AFAP1L2: variants seen among roughly 807,000 people sequenced by gnomAD.
AFAP1L2 encodes actin filament-associated protein 1-like 2.
In AFAP1L2, 46 loss-of-function variants were observed where a neutral mutation model predicts 99.3. The observed-to-expected ratio is 0.46, with a 90% confidence interval of 0.37 to 0.59. The LOEUF (loss-of-function observed/expected upper bound fraction) is 0.59, where lower values mean the gene tolerates loss of function less well. Among genes scored for constraint, AFAP1L2 ranks in the 20% least tolerant of loss-of-function variants. The pLI is 0.00. For synonymous variants in AFAP1L2, 397 were observed against 419.1 expected, an observed-to-expected ratio of 0.95 and a Z score of 0.64; for missense variants, 959 against 1,034.9, an observed-to-expected ratio of 0.93 and a Z score of 1.01.
the AFAP1L2 span, chr10:114,285,894 C>T: frequency 6.5e-6 from 10 of 1,530,962 alleles, no homozygotes; most frequent in East Asian, 6.8e-5. Context: ...GCTCGCATGC[C>T]GCATGACCAT....
Position 114,333,109 on chromosome 10 carries a change from G to T in AFAP1L2, c.220+112C>A, listed in dbSNP as rs1021229512. 5 of 986,244 alleles carry T rather than the reference G, an allele frequency of 5.1e-6. No individual in the cohort carries two copies. The African/African-American group carries it at 6.6e-5, about 13-fold the overall frequency. 61.1% of individuals were successfully genotyped at this position (986,244 alleles called of 1,614,324 possible). A position where few individuals can be genotyped will look rare whatever the true frequency, so the allele number is the denominator to read the frequency against. On this transcript the variant is annotated intron_variant, in intron 3 of 18. Transcript: ENST00000304129. ...GTGGCTTCCAAAAATAACTCCGCCA[G>T]GCGGGTCTGTGTGCCGGCTGGGAGG...
intron 1 of AFAP1L2, among the ~76,000 whole-genome samples, chr10:114,375,002 C>T (rs1020417224): frequency 6.6e-6 from 1 of 152,066 alleles, no homozygotes; most frequent in Non-Finnish European, 1.5e-5. Flanking sequence ...TCAGGTCAGG[C>T]ATTACTCGGG....
Position 114,297,366 on chromosome 10 carries a change from C to T in AFAP1L2, c.2161G>A (p.Glu721Lys), listed in dbSNP as rs148977860. ...CTGCTCTCCTCGCCCCGGCACTCCT[C>T]GTCAATTTCCTTCAGCTTCTGCTCC... The part of the protein sequence containing the change: ...SLEQKLKEID[E>K]ECRGEESRRV... The change falls in exon 17 of 19, where the codon GAG becomes AAG. Residue 721 changes from glutamate (E) to lysine (K), a missense_variant. Glu to Lys is a moderately conservative substitution (Grantham distance 56, BLOSUM62 1). Transcript: ENST00000304129. 143 of 1,613,608 alleles carry T rather than the reference C, an allele frequency of 8.9e-5. No individual in the cohort carries two copies. The highest frequency in any genetic ancestry group is 3.5e-4 in the South Asian group (32 of 91,068).
chr10:114,404,913 G>T (rs2058576253), upstream of AFAP1L2, among the ~76,000 whole-genome samples: 13 of 152,170 alleles, frequency 8.5e-5, no homozygotes, highest in Admixed American at 8.5e-4. Flanking sequence ...GGAGGAGACC[G>T]AGGTCCAAGC....
intron 1 of AFAP1L2, among the ~76,000 whole-genome samples, chr10:114,346,729 G>A (rs1351496543): frequency 2.0e-5 from 3 of 152,190 alleles, no homozygotes; most frequent in Non-Finnish European, 4.4e-5. Flanking sequence ...AGGCCCTTGT[G>A]CAGGCTTTCC....
intron 1 of AFAP1L2, among the ~76,000 whole-genome samples, chr10:114,384,171 G>T (rs2056153776): frequency 6.6e-6 from 1 of 152,162 alleles, no homozygotes; most frequent in Admixed American, 6.5e-5. Context: ...CTTCCAGAAG[G>T]CAGTGCGTGA....
At chr10:114,321,394 T>G (rs2135134878) in intron 5 of AFAP1L2, among the ~76,000 whole-genome samples, 1 of 152,348 alleles carries the variant, frequency 6.6e-6, no homozygotes, top group East Asian at 1.9e-4. Context: ...CTTAGAATAA[T>G]GGCCTCTAGC....
chr10:114,381,195 C>T (rs2055568723), intron 1 of AFAP1L2, among the ~76,000 whole-genome samples: 1 of 152,122 alleles, frequency 6.6e-6, no homozygotes, highest in Admixed American at 6.5e-5. Context: ...TATTATTAAG[C>T]CATGAAAAGC....
intron 4 of AFAP1L2, among the ~76,000 whole-genome samples, chr10:114,329,314 T>C (rs1290508453): frequency 6.6e-6 from 1 of 152,140 alleles, no homozygotes. Flanking sequence ...GCAGGGACTC[T>C]CCGTGGCCCA....
At chr10:114,327,164 TATATATA>T (rs1241933411) in intron 4 of AFAP1L2, among the ~76,000 whole-genome samples, 2 of 81,822 alleles carry the variant, frequency 2.4e-5, no homozygotes, top group African/African-American at 6.4e-5. Flanking sequence ...TATATATATA[TATATATA>T]TATTTTTTTT....
At chr10:114,317,722 G>T (rs1337212024) in intron 5 of AFAP1L2, among the ~76,000 whole-genome samples, 1 of 152,166 alleles carries the variant, frequency 6.6e-6, no homozygotes, top group African/African-American at 2.4e-5. Context: ...AGCTGGGCAT[G>T]GTGGTATGCA....
chr10:114,333,518 G>A (rs953670236), intron 2 of AFAP1L2, among the ~76,000 whole-genome samples: 1 of 152,174 alleles, frequency 6.6e-6, no homozygotes, highest in African/African-American at 2.4e-5. Context: ...CCTGACCGAG[G>A]GTGTGGGGGC....
chr10:114,395,399 C>G (rs2057587080), intron 1 of AFAP1L2, among the ~76,000 whole-genome samples: 1 of 152,086 alleles, frequency 6.6e-6, no homozygotes, highest in South Asian at 2.1e-4. Context: ...GCTCTGATAC[C>G]GGGGACACGA....
intron 1 of AFAP1L2, among the ~76,000 whole-genome samples, chr10:114,362,701 C>A (rs1377691118): frequency 6.6e-6 from 1 of 152,130 alleles, no homozygotes; most frequent in African/African-American, 2.4e-5. Flanking sequence ...AATTAATACA[C>A]CCCCATCAAC....
intron 1 of AFAP1L2, among the ~76,000 whole-genome samples, chr10:114,403,729 C>A (rs1401310256): frequency 6.6e-6 from 1 of 152,182 alleles, no homozygotes; most frequent in Non-Finnish European, 1.5e-5. Context: ...CGGGGTTTGG[C>A]GGAGATCCTG....
intron 17 of AFAP1L2, 50 bp downstream of exon 17, chr10:114,297,170 T>C (rs1263544910): frequency 2.4e-6 from 2 of 841,154 alleles, no homozygotes; most frequent in African/African-American, 3.3e-5. Context: ...CCCCAACCCA[T>C]GTCCAGGGAG....
intron 2 of AFAP1L2, among the ~76,000 whole-genome samples, chr10:114,334,127 C>T (rs933925969): frequency 2.0e-5 from 3 of 152,160 alleles, no homozygotes; most frequent in Admixed American, 6.5e-5. Context: ...ACTGAGGAAC[C>T]ACCAGCCACC....
At chr10:114,382,624 G>A (rs538255506) in intron 1 of AFAP1L2, among the ~76,000 whole-genome samples, 2 of 93,004 alleles carry the variant, frequency 2.2e-5, no homozygotes, top group South Asian at 3.4e-4. Context: ...ACCGAGTTTC[G>A]CTCTTGTTGC....
At chr10:114,391,238 T>A (rs1038365650) in intron 1 of AFAP1L2, among the ~76,000 whole-genome samples, 15 of 152,140 alleles carry the variant, frequency 9.9e-5, no homozygotes, top group Admixed American at 8.5e-4. Flanking sequence ...TCTTTTTTTT[T>A]AGACAGAGTC....
Sources: gnomAD v4.1 joint callset for allele counts (sites outside exome capture counted in the v4.1 genomes callset) on GRCh38, gnomAD v4.1.1 for gene constraint, MANE v1.5 for transcripts, NCBI Gene and HGNC (gene_info 2026-07-23, HGNC 2026-07-21) for gene names.